Variants in SNED1 observed in about 807,000 individuals in gnomAD.
SNED1 encodes the protein sushi, nidogen and EGF-like domain-containing protein 1.
SNED1 carries 81 observed loss-of-function variants against 166.7 expected under a neutral mutation model. That is an observed-to-expected ratio of 0.49 (90% confidence interval 0.41 to 0.58). The LOEUF (loss-of-function observed/expected upper bound fraction) is 0.58, where lower values mean the gene tolerates loss of function less well. SNED1 is among the 20% of genes least tolerant of loss of function. SNED1 has a pLI of 0.00. For missense variants in SNED1, 1,604 were observed against 2,000.2 expected, an observed-to-expected ratio of 0.80 and a Z score of 3.78; for synonymous variants, 762 against 822.0, an observed-to-expected ratio of 0.93 and a Z score of 1.25.
chr2:241,016,734 T>C (rs928177273), intron 1 of SNED1, among the ~76,000 whole-genome samples: 1 of 152,212 alleles, frequency 6.6e-6, no homozygotes, highest in Non-Finnish European at 1.5e-5. Flanking sequence ...TGATGCTATA[T>C]GGACCTAGAG....
In SNED1 at chr2:241,069,016, G is replaced by A; in HGVS notation, c.3300G>A (p.Val1100=). The change falls in exon 23 of 32, where the codon GTG becomes GTA. Residue 1100 remains valine, a synonymous_variant. Transcript: ENST00000310397. This position sits in a 1 kb window ranked among gnomAD's most constrained non-coding sequence, Gnocchi z 4.9. The part of the protein sequence containing the change: ...TESLATAPTH[V]WTRPLPPANL... ...GCCTGGCCACCGCGCCGACGCACGT[G>A]TGGACCCGTGAGTAGAGCAGCGCGG... is the stretch of plus-strand genomic sequence containing the variant. The A allele has an allele frequency of 1.3e-6, 2 of 1,550,320 alleles. No individual in the cohort carries two copies. The highest frequency in any genetic ancestry group is 8.7e-7 in the Non-Finnish European group (1 of 1,146,716).
chr2:241,015,215 T>G (rs1471671184), intron 1 of SNED1, among the ~76,000 whole-genome samples: 1 of 152,250 alleles, frequency 6.6e-6, no homozygotes, highest in Non-Finnish European at 1.5e-5. Context: ...AACTGATACC[T>G]TTACCATATT....
chr2:241,056,175 C>T (rs759350208), intron 16 of SNED1, among the ~76,000 whole-genome samples: 13 of 151,738 alleles, frequency 8.6e-5, no homozygotes, highest in African/African-American at 2.2e-4. Context: ...TAAAGAAAAA[C>T]GAGAGGCAGA....
At chr2:240,997,709 C>G (rs1344497690), upstream of SNED1, among the ~76,000 whole-genome samples, 1 of 152,204 alleles carries the variant, frequency 6.6e-6, no homozygotes, top group African/African-American at 2.4e-5. Flanking sequence ...GGGGTGCACT[C>G]TTATCTTTGG....
intron 11 of SNED1, 139 bp from the exon 12 acceptor site, chr2:241,049,678 C>G (rs916741523): frequency 1.6e-6 from 1 of 643,442 alleles, no homozygotes; most frequent in African/African-American, 1.8e-5. Context: ...ATCAAGATGC[C>G]CACAGAGTGT....
At chr2:241,020,493 T>C (rs2060738682) in intron 1 of SNED1, among the ~76,000 whole-genome samples, 1 of 152,250 alleles carries the variant, frequency 6.6e-6, no homozygotes, top group African/African-American at 2.4e-5. Flanking sequence ...GAAGGTGAGC[T>C]TCCCCAAGGG....
Position 241,051,251 on chromosome 2 carries a change from G to C in SNED1, c.1736-493G>C, listed in dbSNP as rs527876474. On this transcript the variant is annotated intron_variant, in intron 12 of 31. Transcript: ENST00000310397. This position sits in a 1 kb window ranked among gnomAD's most constrained non-coding sequence, Gnocchi z 4.7. ...ATGTGCTTGCCTCAAGCACAGGCCC[G>C]GCCGTCTGAGCTCCTCGGGTTCCAG... 6.5e-6 allele frequency: 1 copy of C among 153,836 alleles called. No individual in the cohort carries two copies. 9.5% of individuals were successfully genotyped at this position (153,836 alleles called of 1,614,324 possible). A position where few individuals can be genotyped will look rare whatever the true frequency, so the allele number is the denominator to read the frequency against.
chr2:241,021,128 G>A (rs2060759932), intron 1 of SNED1, among the ~76,000 whole-genome samples: 1 of 152,096 alleles, frequency 6.6e-6, no homozygotes, highest in South Asian at 2.1e-4. Context: ...ACAGCTGTCC[G>A]GGACCACAAG....
At position 241,071,828 on chromosome 2, in the gene SNED1, T is replaced by C. The variant is rs755650422; in HGVS notation, c.3767T>C (p.Val1256Ala). The C allele has an allele frequency of 8.7e-6, 14 of 1,601,838 alleles. No homozygotes were observed. The African/African-American group carries it at 1.5e-4, about 17-fold the overall frequency. The part of the protein sequence containing the change: ...FSELVDGRGR[V>A]SARFGGSPSK... Reference sequence around the variant, plus strand: ...GAGCTTGTGGACGGCAGAGGAAGAGTGAGCGCCAGGTTCGGTGGCTCACCC... The same window carrying C: ...GAGCTTGTGGACGGCAGAGGAAGAGCGAGCGCCAGGTTCGGTGGCTCACCC... The change falls in exon 26 of 32, where the codon GTG (valine) becomes GCG (alanine). Residue 1256 changes from valine to alanine, a missense_variant. Around this residue, in one of 2 missense-constraint regions of SNED1, gnomAD observed 367 missense variants for 379.4 expected, o/e 0.97. Transcript: ENST00000310397.
chr2:240,998,679 G>A lies in SNED1; in HGVS notation c.-159G>A, dbSNP rs531824805. Among the ~76,000 whole-genome samples, 2 of 149,126 alleles carry A rather than the reference G, an allele frequency of 1.3e-5. No individual in the cohort carries two copies. Among genetic ancestry groups the A allele is most frequent in the Non-Finnish European group, 3.0e-5 (2 of 66,940 alleles). On this transcript the variant is annotated 5_prime_UTR_variant, in exon 1 of 32. Transcript: ENST00000310397. ...CGGAGCTGCGGCGAGAGCGCGGCCCGGCCGAACGGGCGCGGGACGCGGAGC... is the reference window on the plus strand; with the variant it reads ...CGGAGCTGCGGCGAGAGCGCGGCCCAGCCGAACGGGCGCGGGACGCGGAGC...
chr2:241,064,025 C>T lies in SNED1; in HGVS notation c.2499C>T (p.Cys833=), dbSNP rs770771799. The T allele has an allele frequency of 1.7e-5, 26 of 1,554,770 alleles. No individual in the cohort carries two copies. The highest frequency in any genetic ancestry group is 5.8e-5 in the Admixed American group (3 of 51,542). Residue 833 remains cysteine (C), a synonymous_variant, in exon 19 of 32, where the codon TGC becomes TGT. Coordinates refer to ENST00000310397, the MANE Select transcript of SNED1 (RefSeq NM_001080437.3). This position sits in a 1 kb window ranked among gnomAD's most constrained non-coding sequence, Gnocchi z 7.0. ...GVHCETEVDA[C]DSSPCQHGGR... ...GGTGTTCTCCAGAGGTGGACGCCTGCGACTCCAGCCCCTGCCAGCATGGAG... is the reference window on the plus strand; with the variant it reads ...GGTGTTCTCCAGAGGTGGACGCCTGTGACTCCAGCCCCTGCCAGCATGGAG...
chr2:241,070,101 C>CCTGCTGCCGGGACGG lies in SNED1; in HGVS notation c.3491_3505dup (p.Leu1164_Arg1168dup). On this transcript the variant is annotated inframe_insertion, in exon 24 of 32. Transcript: ENST00000310397. ...AGCTGGCGTCCTACACGGTGCGCGA[C>CCTGCTGCCGGGACGG]CTGCTGCCGGGACGGCGGTACCAGC... 1 of 1,613,024 alleles carries CCTGCTGCCGGGACGG rather than the reference C, an allele frequency of 6.2e-7. No homozygotes were observed. Among genetic ancestry groups the CCTGCTGCCGGGACGG allele is most frequent in the Non-Finnish European group, 8.5e-7 (1 of 1,179,882 alleles).
intron 27 of SNED1, among the ~76,000 whole-genome samples, chr2:241,079,739 A>G (rs982730222): frequency 7.2e-5 from 11 of 152,164 alleles, no homozygotes; most frequent in Admixed American, 6.5e-4. Context: ...ATAACCACAC[A>G]GGAAAAAAAT....
chr2:241,023,976 C>T (rs563189960), intron 1 of SNED1, among the ~76,000 whole-genome samples: 4 of 146,916 alleles, frequency 2.7e-5, no homozygotes, highest in African/African-American at 1.0e-4. Context: ...GCCTCCACCC[C>T]CCGGGTTCAG....
intron 28 of SNED1, 28 bp from the exon 29 acceptor site, chr2:241,082,248 TG>T: frequency 6.4e-7 from 1 of 1,571,504 alleles, no homozygotes; most frequent in Non-Finnish European, 8.7e-7. Context: ...CAGGAGCACC[TG>T]GTGAGCCACT....
At chr2:241,036,764 G>A (rs376156786) in intron 4 of SNED1, 26 bp from the exon 5 acceptor site, 1 of 1,603,902 alleles carries the variant, frequency 6.2e-7, no homozygotes, top group East Asian at 2.2e-5. Context: ...AGCGGCTGAG[G>A]CTCCAGCCCC....
At chr2:241,083,381 C>T (rs951453944) in intron 29 of SNED1, among the ~76,000 whole-genome samples, 9 of 113,704 alleles carry the variant, frequency 7.9e-5, no homozygotes, top group Admixed American at 1.6e-4. Flanking sequence ...GGTGTTTGTC[C>T]GGCATGAAAT....
rs765595186 is a variant in SNED1, at chr2:241,064,313, A to G, written c.2599+188A>G. ...TCCGCCTGTCTCCCTTGGTCCCACA[A>G]TGGTGCCTTCTAAACCTCCCCATCT... is the stretch of plus-strand genomic sequence containing the variant. On this transcript the variant is annotated intron_variant, in intron 19 of 31. Transcript: ENST00000310397. The surrounding 1 kb of genome is among the most constrained non-coding windows in gnomAD (Gnocchi z 7.0). 4.0e-5 allele frequency among the ~76,000 whole-genome samples: 6 copies of G among 151,538 alleles called. No individual in the cohort carries two copies. Among genetic ancestry groups the G allele is most frequent in the South Asian group, 2.1e-4 (1 of 4,784 alleles).
rs1414027853 is a variant in SNED1, at chr2:241,049,885, T to C, written c.1687T>C (p.Tyr563His). Residue 563 changes from tyrosine to histidine, a missense_variant, in exon 12 of 32, where the codon TAC (tyrosine) becomes CAC (histidine). By Grantham distance (83) the Tyr-to-His change is moderately conservative. This residue lies in a region of SNED1 where 1,237 missense variants were observed against 1,620.8 expected (regional missense o/e 0.76). Transcript: ENST00000310397. ...CTCCTGCGATGCCCATGACGACTCC[T>C]ACACCTGCGAGTGCCCGCGCGGGTT... The part of the protein sequence containing the change: ...GGSCDAHDDS[Y>H]TCECPRGFHG... 6.2e-7 allele frequency: 1 copy of C among 1,613,812 alleles called. No individual in the cohort carries two copies.
Sources: gnomAD v4.1 joint callset for allele counts (sites outside exome capture counted in the v4.1 genomes callset) on GRCh38, gnomAD v4.1.1 for gene constraint, gnomAD v4.1.1 regional missense constraint, Gnocchi (gnomAD v3.1) non-coding constraint, MANE v1.5 for transcripts, NCBI Gene and HGNC (gene_info 2026-07-23, HGNC 2026-07-21) for gene names.